RNF150: variants seen among roughly 807,000 people sequenced by gnomAD.
RNF150 encodes the protein ring finger protein 150.
A neutral mutation model predicts 39.3 loss-of-function variants in RNF150; 24 were observed. That is an observed-to-expected ratio of 0.61 (90% CI 0.44 to 0.86). The LOEUF is 0.86. RNF150 is among the 40% of genes least tolerant of loss of function. RNF150 has a pLI of 0.00. For synonymous variants in RNF150, 255 were observed against 227.3 expected, an observed-to-expected ratio of 1.12 and a Z score of -1.10; for missense variants, 502 against 587.8, an observed-to-expected ratio of 0.85 and a Z score of 1.51.
intron 1 of RNF150, among the ~76,000 whole-genome samples, chr4:141,015,075 A>G (rs1735217103): frequency 6.6e-6 from 1 of 151,994 alleles, no homozygotes; most frequent in Non-Finnish European, 1.5e-5. Context: ...TATTGAAGAG[A>G]TTGTCCTTTC....
At chr4:140,970,101 C>T (rs1686014804) in intron 1 of RNF150, among the ~76,000 whole-genome samples, 1 of 152,020 alleles carries the variant, frequency 6.6e-6, no homozygotes, top group South Asian at 2.1e-4. Flanking sequence ...TAATATATTC[C>T]TCTATGGCTT....
intron 6 of RNF150, among the ~76,000 whole-genome samples, chr4:140,874,317 C>T (rs1729062837): frequency 6.6e-6 from 1 of 152,172 alleles, no homozygotes; most frequent in African/African-American, 2.4e-5. Flanking sequence ...ACTCTGAAAC[C>T]TGCCCTGTTC....
intron 6 of RNF150, among the ~76,000 whole-genome samples, chr4:140,887,946 G>A (rs2111220633): frequency 6.6e-6 from 1 of 152,294 alleles, no homozygotes. Flanking sequence ...ACATGAGCAT[G>A]CTTAGCTCTT....
At chr4:140,988,918 C>T (rs1364197117) in intron 1 of RNF150, among the ~76,000 whole-genome samples, 2 of 152,148 alleles carry the variant, frequency 1.3e-5, no homozygotes, top group Non-Finnish European at 2.9e-5. Context: ...AAACCAAACA[C>T]TGCATGTTCT....
intron 1 of RNF150, among the ~76,000 whole-genome samples, chr4:141,052,218 C>T (rs1736803409): frequency 6.6e-6 from 1 of 152,096 alleles, no homozygotes; most frequent in South Asian, 2.1e-4. Flanking sequence ...TGGGTGGGGA[C>T]ACAGCCAAAC....
At chr4:140,902,446 C>A (rs1301000544) in intron 6 of RNF150, among the ~76,000 whole-genome samples, 5 of 152,162 alleles carry the variant, frequency 3.3e-5, no homozygotes. Context: ...GTATACCATG[C>A]AAAGGCATAA....
chr4:141,062,515 C>T (rs1737277260), intron 1 of RNF150, among the ~76,000 whole-genome samples: 2 of 151,844 alleles, frequency 1.3e-5, no homozygotes, highest in Admixed American at 1.3e-4. Flanking sequence ...TTTTCCTTTA[C>T]ATATACAAGA....
intron 1 of RNF150, among the ~76,000 whole-genome samples, chr4:141,057,655 C>G (rs1460893008): frequency 6.6e-6 from 1 of 152,084 alleles, no homozygotes; most frequent in African/African-American, 2.4e-5. Flanking sequence ...TACTAGCCTC[C>G]CAGTGGACCT....
At chr4:141,198,859 T>C (rs912016412) in intron 1 of RNF150, among the ~76,000 whole-genome samples, 13 of 152,226 alleles carry the variant, frequency 8.5e-5, no homozygotes, top group African/African-American at 2.9e-4. Context: ...ACCAAAAGCA[T>C]AATTCATCAA....
At chr4:141,009,155 A>T (rs1347906920) in intron 1 of RNF150, among the ~76,000 whole-genome samples, 1 of 152,200 alleles carries the variant, frequency 6.6e-6, no homozygotes, top group Non-Finnish European at 1.5e-5. Context: ...TTGCATGGCT[A>T]TGAAACAAAT....
Position 141,132,079 on chromosome 4 carries a change from A to G in RNF150, c.484+246T>C, listed in dbSNP as rs1031862605. ...TCGGAAAAGTTAGCCCGCCACGTTG[A>G]ACCCCTGTCCAAGCGGCGCTATGCC... On this transcript the variant is annotated intron_variant, in intron 1 of 6. Transcript: ENST00000515673. This position sits in a 1 kb window ranked among gnomAD's most constrained non-coding sequence, Gnocchi z 4.9. Among the ~76,000 whole-genome samples, 5 of 152,164 alleles carry G rather than the reference A, an allele frequency of 3.3e-5. No homozygotes were observed. Among genetic ancestry groups the G allele is most frequent in the Admixed American group, 1.3e-4 (2 of 15,280 alleles).
At chr4:140,910,261 G>A (rs949503464) in intron 6 of RNF150, among the ~76,000 whole-genome samples, 2 of 152,052 alleles carry the variant, frequency 1.3e-5, no homozygotes, top group Non-Finnish European at 2.9e-5. Context: ...TTTCTACAGT[G>A]AATAGGTTAC....
At chr4:141,056,190 A>G (rs959659402) in intron 1 of RNF150, among the ~76,000 whole-genome samples, 3 of 152,148 alleles carry the variant, frequency 2.0e-5, no homozygotes, top group African/African-American at 7.2e-5. Flanking sequence ...ATTTTAAGAA[A>G]CTGTAAGTTT....
At chr4:140,972,743 G>A (rs972995120) in intron 1 of RNF150, among the ~76,000 whole-genome samples, 2 of 152,158 alleles carry the variant, frequency 1.3e-5, no homozygotes, top group African/African-American at 4.8e-5. Flanking sequence ...GGAGAGACAT[G>A]AGCAGCCAGC....
chr4:141,101,443 C>G (rs770685818), intron 1 of RNF150, among the ~76,000 whole-genome samples: 2 of 152,124 alleles, frequency 1.3e-5, no homozygotes, highest in East Asian at 1.9e-4. Flanking sequence ...TCTTCAGGGG[C>G]AATAACATGC....
chr4:141,209,761 G>A (rs778758425), intron 1 of RNF150, among the ~76,000 whole-genome samples: 14 of 151,860 alleles, frequency 9.2e-5, no homozygotes, highest in Non-Finnish European at 1.8e-4. Flanking sequence ...AAATGGGGGG[G>A]TATCTATAAA....
chr4:140,949,250 A>G, intron 3 of RNF150, 51 bp downstream of exon 3: 1 of 1,378,072 alleles, frequency 7.3e-7, no homozygotes, highest in Middle Eastern at 1.8e-4. Context: ...AAGAAAAGTT[A>G]GAAGCTTCTT....
chr4:141,028,057 T>A (rs549299320), intron 1 of RNF150, among the ~76,000 whole-genome samples: 8 of 151,148 alleles, frequency 5.3e-5, no homozygotes, highest in African/African-American at 1.5e-4. Flanking sequence ...AATACTCTGC[T>A]ACTGATGGAA....
At chr4:141,013,259 C>G (rs4956341) in intron 1 of RNF150, among the ~76,000 whole-genome samples, 134,443 of 152,158 alleles carry the variant, frequency 0.88, 59,859 homozygotes, top group East Asian at 1. Flanking sequence ...TACTGTTCTA[C>G]CCCACAAAAG....
Sources: allele counts gnomAD v4.1 joint callset (sites outside exome capture counted in the v4.1 genomes callset), GRCh38; gene constraint gnomAD v4.1.1; non-coding constraint Gnocchi (gnomAD v3.1); transcripts MANE v1.5; gene names NCBI Gene and HGNC (gene_info 2026-07-23, HGNC 2026-07-21).